Variants in MYOF observed in about 807,000 individuals in gnomAD.
MYOF encodes myoferlin, also known as fer-1-like 3, myoferlin.
In MYOF, 244 loss-of-function variants were observed where a neutral mutation model predicts 284.2. That is an observed-to-expected ratio of 0.86 (90% confidence interval 0.77 to 0.95). The LOEUF (loss-of-function observed/expected upper bound fraction) is 0.95, where lower values mean the gene tolerates loss of function less well. Among genes scored for constraint, MYOF ranks in the 40% least tolerant of loss-of-function variants. MYOF has a pLI of 0.00. For missense variants in MYOF, 2,496 were observed against 2,560.6 expected (o/e 0.97, Z 0.54); for synonymous variants, 904 against 919.7 (o/e 0.98, Z 0.31).
intron 3 of MYOF, among the ~76,000 whole-genome samples, chr10:93,451,444 C>T (rs141261079): frequency 2.6e-5 from 4 of 152,196 alleles, no homozygotes; most frequent in African/African-American, 9.6e-5. Flanking sequence ...TTTATTAATA[C>T]TAAGATCATT....
intron 20 of MYOF, among the ~76,000 whole-genome samples, chr10:93,380,543 GA>G (rs1034580840): frequency 8.5e-5 from 13 of 152,136 alleles, no homozygotes; most frequent in African/African-American, 3.1e-4. Context: ...ATACTGTTGG[GA>G]AATTTGATCA....
intron 17 of MYOF, among the ~76,000 whole-genome samples, chr10:93,391,707 T>G (rs1377126722): frequency 6.6e-6 from 1 of 152,188 alleles, no homozygotes; most frequent in African/African-American, 2.4e-5. Context: ...CACATCAAAC[T>G]TCCCAATGTC....
rs74466907 is a variant in MYOF at position 93,425,447 on chromosome 10, C to T, written c.433+624G>A. On this transcript the variant is annotated intron_variant, in intron 5 of 53. Coordinates refer to ENST00000359263, the MANE Select transcript of MYOF (RefSeq NM_013451.4). ...GGACTGATTGTCTTGTAGGCCCTCCCTCCCTGAGCCCTCAGCCCCAACCCC... is the reference window on the plus strand; with the variant it reads ...GGACTGATTGTCTTGTAGGCCCTCCTTCCCTGAGCCCTCAGCCCCAACCCC... Among the ~76,000 whole-genome samples, 885 of 152,292 alleles carry T rather than the reference C, an allele frequency of 5.8e-3. 5 individuals are homozygous for T. Among genetic ancestry groups the T allele is most frequent in the African/African-American group, 0.02 (838 of 41,556 alleles).
At chr10:93,434,474 G>GA (rs1358992969) in intron 3 of MYOF, among the ~76,000 whole-genome samples, 1 of 151,184 alleles carries the variant, frequency 6.6e-6, no homozygotes, top group African/African-American at 2.4e-5. Context: ...GTTGGCAATG[G>GA]AAAAGAAAAT....
intron 5 of MYOF, among the ~76,000 whole-genome samples, chr10:93,423,543 A>G (rs1848444215): frequency 6.7e-6 from 1 of 148,484 alleles, no homozygotes. Flanking sequence ...AAAAAAAAAA[A>G]AAAAAAAAAG....
At chr10:93,373,161 G>A (rs1845669388) in intron 23 of MYOF, 76 bp from the exon 24 acceptor site, 2 of 1,545,058 alleles carry the variant, frequency 1.3e-6, no homozygotes, top group South Asian at 2.2e-5. Flanking sequence ...AGACCCTGCA[G>A]GCTGGACCCT....
intron 4 of MYOF, among the ~76,000 whole-genome samples, chr10:93,430,011 T>C (rs974048276): frequency 1.3e-4 from 20 of 151,828 alleles, no homozygotes; most frequent in Admixed American, 1.2e-3. Flanking sequence ...CTTGGCTCAC[T>C]GCAACCTCGG....
At chr10:93,310,687 A>T in intron 51 of MYOF, 44 bp from the exon 52 acceptor site, 1 of 1,571,650 alleles carries the variant, frequency 6.4e-7, no homozygotes, top group Non-Finnish European at 8.7e-7. Flanking sequence ...ATCATGTTTC[A>T]CAAATATTTT....
At chr10:93,406,346 C>T (rs1243369291) in intron 7 of MYOF, among the ~76,000 whole-genome samples, 4 of 105,234 alleles carry the variant, frequency 3.8e-5, no homozygotes, top group Admixed American at 1.2e-4. Flanking sequence ...TTTTGTTTCT[C>T]CTATCCCGTA....
intron 38 of MYOF, among the ~76,000 whole-genome samples, chr10:93,342,573 G>T (rs540132268): frequency 5.3e-5 from 8 of 152,326 alleles, no homozygotes; most frequent in African/African-American, 1.7e-4. Flanking sequence ...TTCATAAAGT[G>T]TTGCTACAGT....
At chr10:93,396,489 T>C (rs541907931) in intron 15 of MYOF, among the ~76,000 whole-genome samples, 1 of 152,282 alleles carries the variant, frequency 6.6e-6, no homozygotes, top group East Asian at 1.9e-4. Context: ...GTATCCCAAT[T>C]GATTCTGATA....
rs71031511 is a variant in MYOF at position 93,465,538 on chromosome 10, C to CTT, written c.89-8603_89-8602dup. ...CTTTTTTCTTTCTTTTTTTTCTTTT[C>CTT]TTTTTTTTTTTTTTTGAGATGACTG... On this transcript the variant is annotated intron_variant, in intron 1 of 53. Transcript: ENST00000359263. Among the ~76,000 whole-genome samples, 446 of 112,130 alleles carry CTT rather than the reference C, an allele frequency of 4.0e-3. 30 individuals carry two copies. In the East Asian group the frequency reaches 0.059, roughly 15 times the overall value. The allele number at this position is 112,130 out of a possible 152,430, so 73.6% of individuals were successfully genotyped here.
intron 37 of MYOF, among the ~76,000 whole-genome samples, chr10:93,345,502 G>A (rs991398649): frequency 3.3e-5 from 5 of 152,158 alleles, no homozygotes; most frequent in African/African-American, 1.2e-4. Flanking sequence ...ATCAGTTACT[G>A]TGTGAGGTAG....
chr10:93,429,755 T>C (rs1159264125), intron 4 of MYOF, among the ~76,000 whole-genome samples: 1 of 152,014 alleles, frequency 6.6e-6, no homozygotes, highest in Non-Finnish European at 1.5e-5. Flanking sequence ...GAAAAATAAA[T>C]TGATTGGAAA....
chr10:93,459,234 T>C (rs1490785372), intron 1 of MYOF, among the ~76,000 whole-genome samples: 1 of 152,096 alleles, frequency 6.6e-6, no homozygotes, highest in Non-Finnish European at 1.5e-5. Flanking sequence ...CCTCTCCTCA[T>C]CTAACAGAAA....
intron 51 of MYOF, among the ~76,000 whole-genome samples, chr10:93,310,931 C>T (rs1372055874): frequency 6.6e-6 from 1 of 152,150 alleles, no homozygotes; most frequent in Non-Finnish European, 1.5e-5. Context: ...TCTCCCCACA[C>T]ACCTTCCTAT....
At chr10:93,469,291 C>A in intron 1 of MYOF, among the ~76,000 whole-genome samples, 1 of 151,986 alleles carries the variant, frequency 6.6e-6, no homozygotes, top group Non-Finnish European at 1.5e-5. Flanking sequence ...GTCCCAGCTA[C>A]TTGGGAGGCT....
At position 93,397,452 on chromosome 10, in the gene MYOF, C is replaced by G. The variant is rs763893225; in HGVS notation, c.1226G>C (p.Cys409Ser). The G allele has an allele frequency of 1.9e-6, 3 of 1,605,914 alleles. No homozygotes were observed. Among genetic ancestry groups the G allele is most frequent in the East Asian group, 4.5e-5 (2 of 44,742 alleles). ...TGCATTTTTCTCAATTATGTTTGTA[C>G]AAACCTGTAAAATCACCAAAGCAAA... The part of the protein sequence containing the change: ...VEVSFAGKKV[C>S]TNIIEKNANP... The change falls in exon 14 of 54, where the codon TGT becomes TCT. Residue 409 changes from cysteine to serine, a missense_variant. Cys to Ser is a moderately radical substitution (Grantham distance 112). Coordinates refer to ENST00000359263, the MANE Select transcript of MYOF (RefSeq NM_013451.4).
In MYOF at chr10:93,328,800, G is replaced by T; in HGVS notation, c.5094C>A (p.Ile1698=). The T allele has an allele frequency of 2.5e-6, 4 of 1,613,520 alleles. No homozygotes were observed. The highest frequency in any genetic ancestry group is 3.4e-6 in the Non-Finnish European group (4 of 1,179,526). Residue 1698 remains isoleucine (I), a synonymous_variant, in exon 45 of 54, where the codon ATC becomes ATA. Coordinates refer to ENST00000359263, the MANE Select transcript of MYOF (RefSeq NM_013451.4). ...AGCTGTAGTCTCGTCCTCCATATCT[G>T]ATTCTACTCCCATCTTCGGAAAGGA... is the stretch of plus-strand genomic sequence containing the variant. ...QPILSEDGSR[I]RYGGRDYSLD...
Sources: gnomAD v4.1 joint callset for allele counts (sites outside exome capture counted in the v4.1 genomes callset) on GRCh38, gnomAD v4.1.1 for gene constraint, MANE v1.5 for transcripts, NCBI Gene and HGNC (gene_info 2026-07-23, HGNC 2026-07-21) for gene names.